DNAH17: variants seen among roughly 807,000 people sequenced by gnomAD.
DNAH17 encodes the protein dynein axonemal heavy chain 17.
In DNAH17, 376 loss-of-function variants were observed where a neutral mutation model predicts 485.6. The observed-to-expected ratio is 0.77, with a 90% CI of 0.71 to 0.84. DNAH17 has a LOEUF of 0.84. Among genes scored for constraint, DNAH17 ranks in the 40% least tolerant of loss-of-function variants. The pLI is 0.00. For synonymous variants in DNAH17, 3,031 were observed against 2,405.9 expected (o/e 1.26, Z -7.60); for missense variants, 6,370 against 5,839.3 (o/e 1.09, Z -2.96).
intron 74 of DNAH17, among the ~76,000 whole-genome samples, chr17:78,437,017 G>A (rs532155563): frequency 6.6e-6 from 1 of 152,270 alleles, no homozygotes; most frequent in African/African-American, 2.4e-5. Context: ...CGAGCCCCAG[G>A]TGCCAGGCAG....
chr17:78,442,651 C>T (rs193162209), intron 71 of DNAH17, among the ~76,000 whole-genome samples: 29 of 152,364 alleles, frequency 1.9e-4, no homozygotes, highest in African/African-American at 6.5e-4. Context: ...TCAGACCTCA[C>T]CACCTCTGAC....
Position 78,499,035 on chromosome 17 carries a change from C to CA in DNAH17, c.5717dup (p.Glu1907GlyfsTer55). On this transcript the variant is annotated frameshift_variant, in exon 37 of 81. Coordinates refer to ENST00000389840, the MANE Select transcript of DNAH17 (RefSeq NM_173628.4). LOFTEE classifies it high-confidence loss of function. ...GCACGGCAATCACAGACAAGACTTC[C>CA]ACTGAGATGCGATTAAACTCGTCAA... is the stretch of plus-strand genomic sequence containing the variant. 6.2e-7 allele frequency: 1 copy of CA among 1,610,924 alleles called. No individual in the cohort carries two copies. Among genetic ancestry groups the CA allele is most frequent in the Non-Finnish European group, 8.5e-7 (1 of 1,178,544 alleles).
chr17:78,447,851 G>C (rs569331334), intron 69 of DNAH17, among the ~76,000 whole-genome samples: 16 of 112,656 alleles, frequency 1.4e-4, no homozygotes, highest in Non-Finnish European at 2.2e-4. Flanking sequence ...GGGCAATGTA[G>C]CAAGACCCTG....
intron 54 of DNAH17, among the ~76,000 whole-genome samples, chr17:78,474,966 A>T (rs74616083): frequency 1.3e-5 from 1 of 74,686 alleles, no homozygotes; most frequent in Non-Finnish European, 2.3e-5. Context: ...CCTCAGTCAC[A>T]TGGGCTGGAA....
At position 78,468,869 on chromosome 17, in the gene DNAH17, A is replaced by G; in HGVS notation, c.8526T>C (p.Ala2842=). 6.2e-7 allele frequency: 1 copy of G among 1,613,410 alleles called. No homozygotes were observed. The highest frequency in any genetic ancestry group is 8.5e-7 in the Non-Finnish European group (1 of 1,179,800). Residue 2842 remains alanine (A), a synonymous_variant, in exon 55 of 81, where the codon GCT becomes GCC. Coordinates refer to ENST00000389840, the MANE Select transcript of DNAH17 (RefSeq NM_173628.4). Reference sequence around the variant, plus strand: ...TCTTCACGGCAGCCTTTATGTACTGAGCAGCGAGGTCAATCTGGACGGAGT... The same window carrying G: ...TCTTCACGGCAGCCTTTATGTACTGGGCAGCGAGGTCAATCTGGACGGAGT... ...GIPDLKIDLA[A]QYIKAAVKNV...
intron 9 of DNAH17, among the ~76,000 whole-genome samples, chr17:78,568,917 G>A (rs530717171): frequency 3.6e-4 from 55 of 152,298 alleles, no homozygotes; most frequent in African/African-American, 1.3e-3. Flanking sequence ...TCAGTAACCC[G>A]CTCATGATAG....
At chr17:78,465,502 C>G (rs529503865) in intron 56 of DNAH17, among the ~76,000 whole-genome samples, 12 of 20,154 alleles carry the variant, frequency 6.0e-4, no homozygotes, top group Admixed American at 2.2e-3. Context: ...TCTTCCCGGC[C>G]GCCATCACAT....
chr17:78,451,510 C>T lies in DNAH17; in HGVS notation c.10693G>A (p.Ala3565Thr), dbSNP rs533199501. ...RDGLEDQLLA[A>T]VVAKERPDLE... ...TCTGGGCGCTCTTTGGCCACCACAG[C>T]GGCCAAGAGTTGGTCCTCGAGTCCA... The change falls in exon 66 of 81, where the codon GCT becomes ACT. Residue 3565 changes from alanine (A) to threonine (T), a missense_variant. Ala to Thr is a moderately conservative substitution (Grantham distance 58). Transcript: ENST00000389840. 5.1e-5 allele frequency: 82 copies of T among 1,613,502 alleles called. No individual in the cohort carries two copies. The highest frequency in any genetic ancestry group is 9.3e-5 in the African/African-American group (7 of 75,016).
At position 78,569,203 on chromosome 17, in the gene DNAH17, C is replaced by G; in HGVS notation, c.1247G>C (p.Arg416Thr). ...WEFPSSLAFS[R>T]INSFFQRIQT... The stretch of plus-strand genomic sequence containing the variant: ...GATGCGCTGGAAGAAGGAATTTATC[C>G]TGGAAAAGGCAAGAGAAGAAGGGAA... Residue 416 changes from arginine to threonine, a missense_variant, in exon 9 of 81, where the codon AGG (arginine) becomes ACG (threonine). Arg to Thr is a moderately conservative substitution (Grantham distance 71, BLOSUM62 -1). Transcript: ENST00000389840. 1 of 1,608,662 alleles carries G rather than the reference C, an allele frequency of 6.2e-7. No homozygotes were observed. The highest frequency in any genetic ancestry group is 1.1e-5 in the South Asian group (1 of 89,742).
chr17:78,480,859 C>A, intron 48 of DNAH17, 73 bp from the exon 49 acceptor site: 1 of 982,170 alleles, frequency 1.0e-6, no homozygotes, highest in Admixed American at 2.1e-5. Context: ...ACTGTGCTCC[C>A]AAGAATGCCC....
intron 56 of DNAH17, among the ~76,000 whole-genome samples, chr17:78,464,086 G>T (rs1329851939): frequency 6.6e-6 from 1 of 152,156 alleles, no homozygotes; most frequent in Non-Finnish European, 1.5e-5. Context: ...GGTTTATTCT[G>T]TCCTACTTAA....
Position 78,480,722 on chromosome 17 carries a change from G to A in DNAH17, c.7714C>T (p.Pro2572Ser). The A allele has an allele frequency of 1.1e-5, 17 of 1,613,652 alleles. No homozygotes were observed. The highest frequency in any genetic ancestry group is 1.4e-5 in the Non-Finnish European group (16 of 1,179,856). Residue 2572 changes from proline to serine, a missense_variant, in exon 49 of 81, where the codon CCC (proline) becomes TCC (serine). Transcript: ENST00000389840. ...HNCQYVACMNPTSGSFTIDSR... is the reference protein window; with the variant it reads ...HNCQYVACMNSTSGSFTIDSR... ...TCGATGGTGAAGGATCCGGAAGTGG[G>A]GTTCATGCAGGCCACGTACTGACAA... is the stretch of plus-strand genomic sequence containing the variant.
At chr17:78,549,836 T>C (rs1220899509) in intron 16 of DNAH17, among the ~76,000 whole-genome samples, 1 of 152,144 alleles carries the variant, frequency 6.6e-6, no homozygotes, top group East Asian at 1.9e-4. Flanking sequence ...GCCAACCCTC[T>C]GAGACCCTGC....
intron 16 of DNAH17, among the ~76,000 whole-genome samples, chr17:78,545,839 A>G (rs989655778): frequency 2.6e-5 from 4 of 152,104 alleles, no homozygotes; most frequent in African/African-American, 9.7e-5. Context: ...TAATTTTTAT[A>G]TAGATTTTAC....
At chr17:78,567,406 T>G (rs184134710) in intron 9 of DNAH17, among the ~76,000 whole-genome samples, 1 of 151,962 alleles carries the variant, frequency 6.6e-6, no homozygotes, top group Non-Finnish European at 1.5e-5. Flanking sequence ...GAGGTGTGAA[T>G]GAGGAGGAGC....
rs1368100824 is a variant in DNAH17 at position 78,439,157 on chromosome 17, C to T, written c.11738G>A (p.Gly3913Glu). 28 of 1,613,702 alleles carry T rather than the reference C, an allele frequency of 1.7e-5. No homozygotes were observed. Among genetic ancestry groups the T allele is most frequent in the Non-Finnish European group, 2.4e-5 (28 of 1,179,840 alleles). The change falls in exon 73 of 81, where the codon GGA (glycine) becomes GAA (glutamate). Residue 3913 changes from glycine to glutamate, a missense_variant. Physicochemically the swap from Gly to Glu is moderately conservative, Grantham distance 98. Transcript: ENST00000389840. Reference protein sequence around the residue: ...GKLHNVSLGQGQEVVAENALD... With the variant: ...GKLHNVSLGQEQEVVAENALD... ...GGCGTTCTCAGCCACCACCTCTTGTCCCTGCCCCAGGGACACATTATGGAG... is the reference window on the plus strand; with the variant it reads ...GGCGTTCTCAGCCACCACCTCTTGTTCCTGCCCCAGGGACACATTATGGAG...
intron 75 of DNAH17, among the ~76,000 whole-genome samples, chr17:78,430,745 T>C (rs2146423364): frequency 6.6e-6 from 1 of 152,132 alleles, no homozygotes; most frequent in Admixed American, 6.6e-5. Flanking sequence ...CATAGCCAGC[T>C]AATATTTTGG....
intron 16 of DNAH17, among the ~76,000 whole-genome samples, chr17:78,545,026 A>C (rs927823178): frequency 6.6e-6 from 1 of 152,024 alleles, no homozygotes; most frequent in Non-Finnish European, 1.5e-5. Flanking sequence ...AGGGAACCTC[A>C]CCTTTCCTCC....
At chr17:78,559,210 C>G (rs1023758565) in intron 13 of DNAH17, among the ~76,000 whole-genome samples, 2 of 152,200 alleles carry the variant, frequency 1.3e-5, no homozygotes, top group African/African-American at 4.8e-5. Flanking sequence ...GTGGCTCCCA[C>G]GTTTATGTCT....
Sources: gnomAD v4.1 joint callset for allele counts (sites outside exome capture counted in the v4.1 genomes callset) on GRCh38, gnomAD v4.1.1 for gene constraint, MANE v1.5 for transcripts, NCBI Gene and HGNC (gene_info 2026-07-23, HGNC 2026-07-21) for gene names.